Variants in RB1 observed in about 807,000 individuals in gnomAD.
The protein encoded by RB1 is retinoblastoma-associated protein.
RB1 carries 18 observed loss-of-function variants against 135.4 expected under a neutral mutation model. The ratio of observed to expected loss-of-function variants is 0.13; its 90% CI spans 0.09 to 0.20. RB1 has a LOEUF of 0.20. RB1 is among the 10% of genes least tolerant of loss of function. The pLI is 1.00. For synonymous variants in RB1, 365 were observed against 373.2 expected, an observed-to-expected ratio of 0.98 and a Z score of 0.25; for missense variants, 868 against 1,110.0, an observed-to-expected ratio of 0.78 and a Z score of 3.10.
chr13:48,325,282 T>C (rs1952277996), intron 2 of RB1, among the ~76,000 whole-genome samples: 2 of 152,164 alleles, frequency 1.3e-5, no homozygotes, highest in South Asian at 2.1e-4. Context: ...CCTCCAGCTC[T>C]ATCCATGTCC....
At chr13:48,339,556 C>T (rs1263097704) in intron 2 of RB1, among the ~76,000 whole-genome samples, 2 of 152,190 alleles carry the variant, frequency 1.3e-5, no homozygotes, top group African/African-American at 4.8e-5. Context: ...ACCCGATTTT[C>T]CAGGTGCCAT....
intron 5 of RB1, 23 bp from the exon 6 acceptor site, chr13:48,348,933 T>G (rs758468870): frequency 1.3e-6 from 2 of 1,595,156 alleles, no homozygotes; most frequent in Admixed American, 3.4e-5. Context: ...CTGTTTTTTT[T>G]CTGCTTTCTA....
At chr13:48,463,629 TA>T in intron 20 of RB1, 101 bp from the exon 21 acceptor site, 1 of 787,698 alleles carries the variant, frequency 1.3e-6, no homozygotes, top group South Asian at 1.5e-5. Flanking sequence ...CTCTGTAGAT[TA>T]AACCTTTCTT....
chr13:48,386,105 T>C (rs1341651599), intron 17 of RB1, among the ~76,000 whole-genome samples: 2 of 150,798 alleles, frequency 1.3e-5, no homozygotes, highest in African/African-American at 4.9e-5. Flanking sequence ...CCTAGGTACT[T>C]GGGAGGCTGA....
At chr13:48,449,308 T>A (rs928867433) in intron 17 of RB1, among the ~76,000 whole-genome samples, 1 of 152,224 alleles carries the variant, frequency 6.6e-6, no homozygotes, top group African/African-American at 2.4e-5. Flanking sequence ...AACTTCATTG[T>A]ATAGTTATTT....
chr13:48,336,958 G>T (rs1952390862), intron 2 of RB1, among the ~76,000 whole-genome samples: 2 of 152,172 alleles, frequency 1.3e-5, no homozygotes, highest in South Asian at 4.1e-4. Context: ...TCATTCAGGA[G>T]CAGGTTGTTC....
At chr13:48,328,255 A>T (rs878995290) in intron 2 of RB1, 6 of 1,529,462 alleles carry the variant, frequency 3.9e-6, no homozygotes, top group Non-Finnish European at 5.4e-6. Flanking sequence ...CTTTCCTCTG[A>T]TTCACTATCT....
intron 11 of RB1, among the ~76,000 whole-genome samples, chr13:48,372,993 AG>A (rs1290131418): frequency 6.6e-6 from 1 of 152,234 alleles, no homozygotes; most frequent in African/African-American, 2.4e-5. Context: ...GTCTCTGTAA[AG>A]AAAAATCATC....
intron 5 of RB1, among the ~76,000 whole-genome samples, chr13:48,348,682 T>TA (rs1419307382): frequency 6.7e-6 from 1 of 150,056 alleles, no homozygotes; most frequent in East Asian, 1.9e-4. Context: ...TTTTCTTAAT[T>TA]TTTTTTTTTG....
intron 7 of RB1, chr13:48,360,381 CT>C (rs1952628440): frequency 1.9e-6 from 1 of 538,310 alleles, no homozygotes; most frequent in East Asian, 4.3e-5. Context: ...GTTTTTCCAG[CT>C]GTGGAAGACC....
chr13:48,426,514 C>T (rs1029389876), intron 17 of RB1: 3 of 152,170 alleles, frequency 2.0e-5, no homozygotes, highest in African/African-American at 4.8e-5. Context: ...TTGCATTAGT[C>T]TTAATATCCT....
intron 17 of RB1, among the ~76,000 whole-genome samples, chr13:48,398,838 GT>G (rs932037535): frequency 6.6e-6 from 1 of 152,058 alleles, no homozygotes; most frequent in Non-Finnish European, 1.5e-5. Flanking sequence ...TAATATGTAT[GT>G]GTATTTTTTA....
Position 48,473,227 on chromosome 13 carries a change from G to C in RB1, c.2490-133G>C, listed in dbSNP as rs1389081075. 6 of 671,128 alleles carry C rather than the reference G, an allele frequency of 8.9e-6. No individual in the cohort carries two copies. In the East Asian group the frequency reaches 1.3e-4, roughly 14 times the overall value. 41.6% of individuals were successfully genotyped at this position (671,128 alleles called of 1,614,324 possible). A position where few individuals can be genotyped will look rare whatever the true frequency, so the allele number is the denominator to read the frequency against. The stretch of plus-strand genomic sequence containing the variant: ...AATAATTCCCAAATGAATATAGTTT[G>C]TCAGTGGTTCTAGGGTAGAGGTAAC... On this transcript the variant is annotated intron_variant, in intron 23 of 26. Coordinates refer to ENST00000267163, the MANE Select transcript of RB1 (RefSeq NM_000321.3).
chr13:48,394,793 G>C (rs539521972), intron 17 of RB1, among the ~76,000 whole-genome samples: 3 of 152,324 alleles, frequency 2.0e-5, no homozygotes, highest in South Asian at 2.1e-4. Context: ...CAGAGCACGT[G>C]GGGGAAGGCG....
intron 17 of RB1, among the ~76,000 whole-genome samples, chr13:48,402,602 C>T (rs59128343): frequency 0.43 from 65,352 of 151,754 alleles, 17,334 homozygotes; most frequent in Middle Eastern, 0.6. Context: ...GTCTCAAACT[C>T]CTAGACTCAA....
At position 48,443,028 on chromosome 13, in the gene RB1, C is replaced by T. The variant is rs191594312; in HGVS notation, c.1696-9965C>T. On this transcript the variant is annotated intron_variant, in intron 17 of 26. Transcript: ENST00000267163. ...CAATTAATAAATCCACTTTGAAAGACATTTTAAGACATTTAATTAATAAAT... is the reference window on the plus strand; with the variant it reads ...CAATTAATAAATCCACTTTGAAAGATATTTTAAGACATTTAATTAATAAAT... 1.5e-3 allele frequency among the ~76,000 whole-genome samples: 235 copies of T among 151,976 alleles called. 2 individuals carry two copies. Among genetic ancestry groups the T allele is most frequent in the East Asian group, 7.7e-4 (4 of 5,176 alleles).
At chr13:48,437,472 C>A (rs4151562) in intron 17 of RB1, among the ~76,000 whole-genome samples, 1,671 of 152,242 alleles carry the variant, frequency 0.011, 28 homozygotes, top group African/African-American at 0.037. Context: ...CTGGGAGTGG[C>A]TTTACTGTGT....
At chr13:48,471,479 G>GC (rs1949469038) in intron 23 of RB1, among the ~76,000 whole-genome samples, 2 of 126,596 alleles carry the variant, frequency 1.6e-5, no homozygotes, top group Non-Finnish European at 3.3e-5. Context: ...GTTAGTGGGT[G>GC]CAGCACACCA....
Position 48,379,601 on chromosome 13 carries a change from A to G in RB1, c.1340A>G (p.Lys447Arg). The change falls in exon 14 of 27, where the codon AAA becomes AGA. Residue 447 changes from lysine to arginine, a missense_variant. Physicochemically the swap from Lys to Arg is conservative, Grantham distance 26. Around this residue, in one of 3 missense-constraint regions of RB1, gnomAD observed 641 missense variants for 791.3 expected, o/e 0.81. Transcript: ENST00000267163. ...CTTTTTGTTTGTTTGTAGCGATACA[A>G]ACTTGGAGTTCGCTTGTATTACCGA... ...GCVEIGSQRY[K>R]LGVRLYYRVM... is the part of the protein sequence containing the mutation. 6.2e-7 allele frequency: 1 copy of G among 1,612,788 alleles called. No homozygotes were observed. Among genetic ancestry groups the G allele is most frequent in the Non-Finnish European group, 8.5e-7 (1 of 1,179,674 alleles).
Sources: allele counts gnomAD v4.1 joint callset (sites outside exome capture counted in the v4.1 genomes callset), GRCh38; gene constraint gnomAD v4.1.1; regional missense constraint gnomAD v4.1.1; transcripts MANE v1.5; gene names NCBI Gene and HGNC (gene_info 2026-07-23, HGNC 2026-07-21).